The following FNBP1L variants were observed in gnomAD, a reference collection of about 807,000 sequenced individuals.
FNBP1L encodes formin-binding protein 1-like.
FNBP1L carries 36 observed loss-of-function variants against 91.2 expected under a neutral mutation model. That is an observed-to-expected ratio of 0.39 (90% confidence interval 0.30 to 0.52). The LOEUF (loss-of-function observed/expected upper bound fraction) is 0.52, where lower values mean the gene tolerates loss of function less well. FNBP1L is among the 20% of genes least tolerant of loss of function. The probability of loss-of-function intolerance (pLI) is 0.66; values close to 1 mark genes in which losing one functional copy is unlikely to be tolerated. For missense variants in FNBP1L, 571 were observed against 732.1 expected, an observed-to-expected ratio of 0.78 and a Z score of 2.54; for synonymous variants, 242 against 237.0, an observed-to-expected ratio of 1.02 and a Z score of -0.19.
chr1:93,487,316 A>G (rs937258133), intron 1 of FNBP1L, among the ~76,000 whole-genome samples: 3 of 152,122 alleles, frequency 2.0e-5, no homozygotes, highest in Non-Finnish European at 2.9e-5. Context: ...TTACTCCCCT[A>G]TCACTTTCTT....
At chr1:93,452,536 G>T (rs988981010) in intron 1 of FNBP1L, among the ~76,000 whole-genome samples, 19 of 152,142 alleles carry the variant, frequency 1.2e-4, no homozygotes, top group Admixed American at 4.6e-4. Flanking sequence ...CACATTAATA[G>T]ATTTATCTGT....
intron 2 of FNBP1L, 83 bp downstream of exon 2, chr1:93,499,666 G>A: frequency 1.3e-6 from 1 of 787,816 alleles, no homozygotes; most frequent in Non-Finnish European, 2.0e-6. Context: ...TAGTCCAGAG[G>A]TTAAATTCTA....
At chr1:93,453,750 A>G (rs748928030) in intron 1 of FNBP1L, among the ~76,000 whole-genome samples, 11 of 152,224 alleles carry the variant, frequency 7.2e-5, no homozygotes, top group Admixed American at 2.0e-4. Flanking sequence ...GCCGTTCCAT[A>G]TTTCAGTTCA....
intron 15 of FNBP1L, among the ~76,000 whole-genome samples, 181 bp downstream of exon 15, chr1:93,549,607 G>A (rs764631712): frequency 1.9e-4 from 29 of 152,050 alleles, no homozygotes; most frequent in Non-Finnish European, 2.8e-4. Flanking sequence ...TTTTTCTTCC[G>A]TACATGGAAT....
chr1:93,530,107 C>G (rs1332615767), intron 6 of FNBP1L, among the ~76,000 whole-genome samples: 2 of 151,986 alleles, frequency 1.3e-5, no homozygotes, highest in African/African-American at 2.4e-5. Flanking sequence ...TACAAGAGAT[C>G]AAGAGGAACA....
At chr1:93,497,250 G>A (rs1451683865) in intron 1 of FNBP1L, among the ~76,000 whole-genome samples, 1 of 152,144 alleles carries the variant, frequency 6.6e-6, no homozygotes, top group African/African-American at 2.4e-5. Context: ...GCGTGAGCCA[G>A]TGCACCTGGC....
chr1:93,546,783 CTT>C (rs1473546024), intron 12 of FNBP1L, 57 bp from the exon 13 acceptor site: 12 of 1,580,828 alleles, frequency 7.6e-6, no homozygotes, highest in East Asian at 2.3e-5. Flanking sequence ...CAATAAAACT[CTT>C]TTATCTGGAA....
intron 1 of FNBP1L, among the ~76,000 whole-genome samples, chr1:93,490,257 G>A (rs992602335): frequency 6.6e-6 from 1 of 152,058 alleles, no homozygotes; most frequent in Non-Finnish European, 1.5e-5. Flanking sequence ...ATTACTATAC[G>A]GTAGAACCTT....
chr1:93,474,252 A>G lies in FNBP1L; in HGVS notation c.25-25216A>G, dbSNP rs552243850. ...AGTGAGACTCCGTCTCAAAAAAAAC[A>G]AAAACAAAAACTTTGACTTCACTTC... On this transcript the variant is annotated intron_variant, in intron 1 of 16. Transcript: ENST00000271234. Among the ~76,000 whole-genome samples the G allele has an allele frequency of 1.1e-4, 17 of 148,780 alleles. No individual in the cohort carries two copies. The South Asian group carries it at 3.8e-3, about 33-fold the overall frequency.
At chr1:93,498,423 A>C (rs1336552875) in intron 1 of FNBP1L, among the ~76,000 whole-genome samples, 1 of 152,242 alleles carries the variant, frequency 6.6e-6, no homozygotes, top group African/African-American at 2.4e-5. Flanking sequence ...TGAAAACCAG[A>C]TGATAATCAG....
rs1222291984 is a variant in FNBP1L, at chr1:93,532,951, T to C, written c.669T>C (p.Thr223=). ...TACAAGAAATGGACGAACGAAGGAC[T>C]ATTAAACTCAGTGAGTGTTACAGAG... The part of the protein sequence containing the change: ...KQLQEMDERR[T]IKLSECYRGF... The change falls in exon 8 of 17, where the codon ACT becomes ACC. Residue 223 remains threonine, a synonymous_variant. Transcript: ENST00000271234. 1 of 1,610,862 alleles carries C rather than the reference T, an allele frequency of 6.2e-7. No homozygotes were observed. Among genetic ancestry groups the C allele is most frequent in the Non-Finnish European group, 8.5e-7 (1 of 1,178,126 alleles).
chr1:93,517,078 C>T (rs1328141042), intron 2 of FNBP1L, among the ~76,000 whole-genome samples: 7 of 147,288 alleles, frequency 4.8e-5, no homozygotes, highest in South Asian at 2.1e-4. Context: ...CTTGCTCTGT[C>T]GCCCAGGTTG....
chr1:93,458,554 T>A (rs921230483), intron 1 of FNBP1L, among the ~76,000 whole-genome samples: 1 of 152,192 alleles, frequency 6.6e-6, no homozygotes, highest in African/African-American at 2.4e-5. Flanking sequence ...TCCATGACAT[T>A]GATCTGGGCA....
chr1:93,499,372 C>G (rs781362179), intron 1 of FNBP1L, 96 bp from the exon 2 acceptor site: 24 of 772,466 alleles, frequency 3.1e-5, no homozygotes, highest in Non-Finnish European at 4.8e-5. Context: ...CCTTTTATAC[C>G]TCATTGCTTC....
chr1:93,486,150 T>TA (rs1296735073), intron 1 of FNBP1L, among the ~76,000 whole-genome samples: 4 of 152,250 alleles, frequency 2.6e-5, no homozygotes, highest in Admixed American at 6.5e-5. Flanking sequence ...ATTCTGTACT[T>TA]AGAGTTTTTA....
chr1:93,490,460 GAT>G (rs1465851219), intron 1 of FNBP1L, among the ~76,000 whole-genome samples: 2 of 152,144 alleles, frequency 1.3e-5, no homozygotes, highest in Non-Finnish European at 2.9e-5. Flanking sequence ...CATATAAGAT[GAT>G]AAGATTTAAA....
At chr1:93,536,029 T>C (rs566020849) in intron 9 of FNBP1L, among the ~76,000 whole-genome samples, 2 of 152,190 alleles carry the variant, frequency 1.3e-5, no homozygotes, top group Non-Finnish European at 2.9e-5. Flanking sequence ...TTCTAGAAAT[T>C]AGAAGAGAAT....
At chr1:93,506,580 G>T (rs1353355375) in intron 2 of FNBP1L, among the ~76,000 whole-genome samples, 1 of 152,116 alleles carries the variant, frequency 6.6e-6, no homozygotes, top group South Asian at 2.1e-4. Flanking sequence ...CCCTTTGCTG[G>T]AAGAAATGGT....
At chr1:93,508,579 A>G (rs1670711810) in intron 2 of FNBP1L, among the ~76,000 whole-genome samples, 1 of 152,130 alleles carries the variant, frequency 6.6e-6, no homozygotes, top group African/African-American at 2.4e-5. Flanking sequence ...GGCAAGAGGA[A>G]TTTATTTTTA....
Sources: allele counts gnomAD v4.1 joint callset (sites outside exome capture counted in the v4.1 genomes callset), GRCh38; gene constraint gnomAD v4.1.1; transcripts MANE v1.5; gene names NCBI Gene and HGNC (gene_info 2026-07-23, HGNC 2026-07-21).